LINGO2: variants seen among roughly 807,000 people sequenced by gnomAD.
The protein encoded by LINGO2 is leucine-rich repeat and immunoglobulin-like domain-containing nogo receptor-interacting protein 2.
In LINGO2, 14 loss-of-function variants were observed where a neutral mutation model predicts 30.6. That is an observed-to-expected ratio of 0.46 (90% CI 0.30 to 0.72). The LOEUF (loss-of-function observed/expected upper bound fraction) is 0.72, where lower values mean the gene tolerates loss of function less well. LINGO2 is among the 30% of genes least tolerant of loss of function. LINGO2 has a pLI of 0.07. For missense variants in LINGO2, 729 were observed against 751.7 expected (o/e 0.97, Z 0.35); for synonymous variants, 317 against 288.5 (o/e 1.10, Z -1.00).
the LINGO2 span, among the ~76,000 whole-genome samples, chr9:28,981,721 C>G: frequency 1.3e-5 from 2 of 152,064 alleles, no homozygotes; most frequent in African/African-American, 4.8e-5. Context: ...AAATAGTGCT[C>G]CAATGAATGG....
At chr9:27,957,298 T>TTTTG (rs1035373219) in intron 5 of LINGO2, among the ~76,000 whole-genome samples, 13 of 152,082 alleles carry the variant, frequency 8.5e-5, no homozygotes, top group Admixed American at 2.0e-4. Context: ...AGCTTTTATT[T>TTTTG]TTTGTTTGTT....
At chr9:28,854,927 C>A in the LINGO2 span, among the ~76,000 whole-genome samples, 2 of 151,904 alleles carry the variant, frequency 1.3e-5, no homozygotes, top group African/African-American at 2.4e-5. Context: ...TATTAAATTG[C>A]AAACAGAACT....
chr9:28,552,915 C>T lies in LINGO2; in HGVS notation c.-364-76890G>A, dbSNP rs369262519. On this transcript the variant is annotated intron_variant, in intron 1 of 5. Coordinates refer to ENST00000379992, the Ensembl canonical transcript of LINGO2. ...AAAAAAAAATCTGTGTTCTTGTTTT[C>T]GAGATGAAGAACCTTTTCTCACATC... 3.7e-4 allele frequency among the ~76,000 whole-genome samples: 55 copies of T among 149,096 alleles called. 3 individuals carry two copies. Among genetic ancestry groups the T allele is most frequent in the African/African-American group, 1.0e-3 (41 of 40,830 alleles).
chr9:28,723,794 T>C, the LINGO2 span, among the ~76,000 whole-genome samples: 1 of 152,060 alleles, frequency 6.6e-6, no homozygotes, highest in Admixed American at 6.6e-5. Flanking sequence ...TGGAAATAGG[T>C]ATGTTGCAAT....
In LINGO2 at chr9:27,999,436, C is replaced by CAGAGAGAGAGAG. The variant is rs36216761; in HGVS notation, c.-36+12907_-36+12918dup. Among the ~76,000 whole-genome samples the CAGAGAGAGAGAG allele has an allele frequency of 5.3e-3, 767 of 143,720 alleles. 5 individuals carry two copies. Among genetic ancestry groups the CAGAGAGAGAGAG allele is most frequent in the East Asian group, 0.028 (134 of 4,720 alleles). The allele number at this position is 143,720 out of a possible 152,430, so 94.3% of individuals were successfully genotyped here. Reference sequence around the variant, plus strand: ...CGACTTAATCACAGTGCCTAATCTTCAGAGAGAGAGAGAGAGAGAGAGAGA... The same window carrying CAGAGAGAGAGAG: ...CGACTTAATCACAGTGCCTAATCTTCAGAGAGAGAGAGAGAGAGAGAGAGAGAGAGAGAGAGA... On this transcript the variant is annotated intron_variant, in intron 5 of 5. Transcript: ENST00000379992.
chr9:28,382,367 G>A (rs755565162), intron 2 of LINGO2, among the ~76,000 whole-genome samples: 7 of 152,034 alleles, frequency 4.6e-5, no homozygotes, highest in Non-Finnish European at 8.8e-5. Context: ...CATTAGATAC[G>A]TCTTTCCAAA....
the LINGO2 span, among the ~76,000 whole-genome samples, chr9:29,173,760 A>T: frequency 6.6e-6 from 1 of 152,152 alleles, no homozygotes; most frequent in Non-Finnish European, 1.5e-5. Flanking sequence ...TAGATAAACC[A>T]GAAAGGGCCT....
the LINGO2 span, among the ~76,000 whole-genome samples, chr9:29,009,210 AG>A: frequency 6.6e-6 from 1 of 152,188 alleles, no homozygotes; most frequent in Non-Finnish European, 1.5e-5. Flanking sequence ...AAAGAAATAA[AG>A]GGTATTCAGT....
At chr9:28,585,362 C>T (rs944160937) in intron 1 of LINGO2, among the ~76,000 whole-genome samples, 4 of 151,838 alleles carry the variant, frequency 2.6e-5, no homozygotes, top group African/African-American at 9.7e-5. Flanking sequence ...ATTCAAGTCC[C>T]AGGACTGCTG....
At chr9:29,089,569 A>G in the LINGO2 span, among the ~76,000 whole-genome samples, 4 of 151,998 alleles carry the variant, frequency 2.6e-5, no homozygotes, top group Non-Finnish European at 2.9e-5. Context: ...ATATACTCTC[A>G]TTCTCCCATC....
the LINGO2 span, among the ~76,000 whole-genome samples, chr9:28,952,892 A>C: frequency 2.0e-5 from 3 of 152,204 alleles, no homozygotes; most frequent in Non-Finnish European, 4.4e-5. Context: ...ATGCAGTGAT[A>C]AGTTACCCAT....
chr9:28,048,838 A>G (rs760880249), intron 4 of LINGO2, among the ~76,000 whole-genome samples: 9 of 150,492 alleles, frequency 6.0e-5, no homozygotes, highest in African/African-American at 9.9e-5. Context: ...CAACATATAT[A>G]TGTAACTATA....
chr9:28,845,731 G>A, the LINGO2 span, among the ~76,000 whole-genome samples: 4 of 151,490 alleles, frequency 2.6e-5, no homozygotes, highest in Admixed American at 2.6e-4. Flanking sequence ...TAGAGTGTGA[G>A]AAATAATAAA....
At chr9:28,635,918 C>T (rs1370856213) in intron 1 of LINGO2, among the ~76,000 whole-genome samples, 2 of 152,090 alleles carry the variant, frequency 1.3e-5, no homozygotes, top group Admixed American at 1.3e-4. Context: ...TGGTGTGTAG[C>T]ACCCAGTAAC....
At chr9:29,089,392 G>GT in the LINGO2 span, among the ~76,000 whole-genome samples, 1 of 151,874 alleles carries the variant, frequency 6.6e-6, no homozygotes, top group Non-Finnish European at 1.5e-5. Flanking sequence ...TGCAGTAGTA[G>GT]TAATAGTATT....
At chr9:28,954,640 T>TA in the LINGO2 span, among the ~76,000 whole-genome samples, 2 of 152,196 alleles carry the variant, frequency 1.3e-5, no homozygotes, top group Non-Finnish European at 2.9e-5. Flanking sequence ...ACACAAATAA[T>TA]ACCTTAGTCT....
At chr9:28,024,895 A>G (rs1587713681) in intron 4 of LINGO2, among the ~76,000 whole-genome samples, 1 of 152,100 alleles carries the variant, frequency 6.6e-6, no homozygotes, top group Non-Finnish European at 1.5e-5. Context: ...CTTACTAGAG[A>G]GTAGGGGATT....
chr9:28,093,655 T>A (rs1202158044), intron 4 of LINGO2, among the ~76,000 whole-genome samples: 2 of 152,032 alleles, frequency 1.3e-5, no homozygotes, highest in Non-Finnish European at 1.5e-5. Flanking sequence ...AATGGCTTTT[T>A]AAAAGCCCCT....
At chr9:28,715,705 A>C in the LINGO2 span, among the ~76,000 whole-genome samples, 1 of 152,082 alleles carries the variant, frequency 6.6e-6, no homozygotes, top group African/African-American at 2.4e-5. Flanking sequence ...AATATCTACT[A>C]TGATTATTAA....
Sources: gnomAD v4.1 joint callset for allele counts (sites outside exome capture counted in the v4.1 genomes callset) on GRCh38, gnomAD v4.1.1 for gene constraint, MANE v1.5 for transcripts, NCBI Gene and HGNC (gene_info 2026-07-23, HGNC 2026-07-21) for gene names.